PCDH9: variants seen among roughly 807,000 people sequenced by gnomAD.
PCDH9 encodes the protein protocadherin-9.
PCDH9 carries 24 observed loss-of-function variants against 70.6 expected under a neutral mutation model. That is an observed-to-expected ratio of 0.34 (90% CI 0.25 to 0.48). The LOEUF (loss-of-function observed/expected upper bound fraction) is 0.48, where lower values mean the gene tolerates loss of function less well. PCDH9 is among the 20% of genes least tolerant of loss of function. The pLI is 0.99. For synonymous variants in PCDH9, 562 were observed against 558.5 expected (o/e 1.01, Z -0.09); for missense variants, 1,281 against 1,503.6 (o/e 0.85, Z 2.45).
intron 4 of PCDH9, among the ~76,000 whole-genome samples, chr13:66,474,725 T>C (rs192633680): frequency 6.6e-6 from 1 of 152,222 alleles, no homozygotes; most frequent in Admixed American, 6.5e-5. Context: ...ATGGGGTTGA[T>C]ATGTCCTGGC....
At chr13:66,691,915 C>A (rs1471308197) in intron 3 of PCDH9, among the ~76,000 whole-genome samples, 4 of 152,102 alleles carry the variant, frequency 2.6e-5, no homozygotes, top group Non-Finnish European at 5.9e-5. Context: ...AATACTACTA[C>A]CTACTTAAGC....
chr13:67,048,821 T>A (rs982729198), intron 2 of PCDH9, among the ~76,000 whole-genome samples: 1 of 152,186 alleles, frequency 6.6e-6, no homozygotes, highest in Non-Finnish European at 1.5e-5. Flanking sequence ...TAGGTGTTCA[T>A]ATCATGTCTC....
At chr13:67,167,427 A>G (rs1352486637) in intron 2 of PCDH9, among the ~76,000 whole-genome samples, 1 of 152,186 alleles carries the variant, frequency 6.6e-6, no homozygotes, top group Non-Finnish European at 1.5e-5. Flanking sequence ...GATAAGGACT[A>G]TATCATATAA....
chr13:67,134,365 C>A (rs891168212), intron 2 of PCDH9, among the ~76,000 whole-genome samples: 4 of 151,990 alleles, frequency 2.6e-5, no homozygotes, highest in African/African-American at 9.7e-5. Flanking sequence ...ACAGAATTAG[C>A]TGTTTTAATA....
intron 2 of PCDH9, among the ~76,000 whole-genome samples, chr13:67,163,492 C>T (rs950227119): frequency 1.4e-4 from 21 of 152,018 alleles, no homozygotes; most frequent in African/African-American, 3.4e-4. Context: ...AATTTCAGAG[C>T]GCATTTGGTA....
At chr13:66,791,867 T>G in intron 3 of PCDH9, among the ~76,000 whole-genome samples, 1 of 152,156 alleles carries the variant, frequency 6.6e-6, no homozygotes, top group Non-Finnish European at 1.5e-5. Context: ...GTGTGACAGA[T>G]ATACACTCTG....
chr13:66,743,839 C>G (rs1026747415), intron 3 of PCDH9, among the ~76,000 whole-genome samples: 2 of 151,912 alleles, frequency 1.3e-5, no homozygotes, highest in Non-Finnish European at 2.9e-5. Context: ...TTAAAAACTT[C>G]TGTAAGAAAA....
At chr13:66,652,928 A>G (rs957102033) in intron 3 of PCDH9, among the ~76,000 whole-genome samples, 3 of 152,174 alleles carry the variant, frequency 2.0e-5, no homozygotes, top group African/African-American at 7.2e-5. Context: ...ATGCCATGAA[A>G]ACTGCATATC....
chr13:66,713,535 G>C (rs2078822833), intron 3 of PCDH9, among the ~76,000 whole-genome samples: 1 of 147,256 alleles, frequency 6.8e-6, no homozygotes, highest in African/African-American at 2.5e-5. Context: ...CAACATTTTA[G>C]ATTATTCTTT....
At chr13:66,920,006 C>T (rs973149052) in intron 2 of PCDH9, among the ~76,000 whole-genome samples, 1 of 150,714 alleles carries the variant, frequency 6.6e-6, no homozygotes, top group Admixed American at 6.6e-5. Flanking sequence ...TAACCAATAA[C>T]AAGTTTACCC....
intron 2 of PCDH9, among the ~76,000 whole-genome samples, chr13:67,169,976 G>A (rs1594606573): frequency 1.3e-5 from 2 of 152,090 alleles, no homozygotes; most frequent in Non-Finnish European, 2.9e-5. Context: ...TATGGTTGTA[G>A]AGCATCCGAT....
chr13:66,940,447 GTGA>G lies in PCDH9; in HGVS notation c.3037-36845_3037-36843del, dbSNP rs1307846603. On this transcript the variant is annotated intron_variant, in intron 2 of 4. Transcript: ENST00000377865. ...CTGTGTTTATAGAGAGCAATTTGAG[GTGA>G]TGATTAAACAGCATATAAAAAAAAG... Among the ~76,000 whole-genome samples, 3 of 151,954 alleles carry G rather than the reference GTGA, an allele frequency of 2.0e-5. No homozygotes were observed. The East Asian group carries it at 5.8e-4, about 29-fold the overall frequency.
chr13:66,630,041 A>C (rs1271056587), intron 4 of PCDH9, among the ~76,000 whole-genome samples: 1 of 152,192 alleles, frequency 6.6e-6, no homozygotes. Flanking sequence ...TGAAACAATA[A>C]GAAGCAAAAT....
intron 2 of PCDH9, among the ~76,000 whole-genome samples, chr13:66,978,721 A>G (rs780730920): frequency 6.7e-6 from 1 of 149,628 alleles, no homozygotes; most frequent in African/African-American, 2.4e-5. Context: ...ATGTTGTTTC[A>G]TAAGAATACA....
chr13:66,646,792 C>T (rs550929325), intron 3 of PCDH9, among the ~76,000 whole-genome samples: 9 of 152,218 alleles, frequency 5.9e-5, no homozygotes, highest in South Asian at 4.1e-4. Context: ...TTGAAAGAGG[C>T]GTTGAAGAGG....
At chr13:66,903,406 G>A in intron 3 of PCDH9, 98 bp downstream of exon 3, 1 of 467,792 alleles carries the variant, frequency 2.1e-6, no homozygotes, top group South Asian at 5.2e-5. Flanking sequence ...GAAGAGATGG[G>A]CAAAGACAAT....
At chr13:66,630,054 G>T (rs2077549460) in intron 4 of PCDH9, among the ~76,000 whole-genome samples, 1 of 152,000 alleles carries the variant, frequency 6.6e-6, no homozygotes, top group Non-Finnish European at 1.5e-5. Context: ...AGCAAAATAG[G>T]TAGAAAATCA....
chr13:66,351,225 C>T (rs1339323020), intron 4 of PCDH9, among the ~76,000 whole-genome samples: 1 of 151,892 alleles, frequency 6.6e-6, no homozygotes, highest in Admixed American at 6.6e-5. Context: ...GCAGATGAGC[C>T]CAGCCTGGCT....
intron 4 of PCDH9, among the ~76,000 whole-genome samples, chr13:66,341,641 T>C (rs536017458): frequency 6.6e-6 from 1 of 152,338 alleles, no homozygotes; most frequent in East Asian, 1.9e-4. Context: ...GTTTTTCTGC[T>C]GTGCAAGTGA....
Sources: allele counts gnomAD v4.1 joint callset (sites outside exome capture counted in the v4.1 genomes callset), GRCh38; gene constraint gnomAD v4.1.1; transcripts MANE v1.5; gene names NCBI Gene and HGNC (gene_info 2026-07-23, HGNC 2026-07-21).